ERO1A: variants seen among roughly 807,000 people sequenced by gnomAD.
ERO1A encodes the protein endoplasmic reticulum oxidoreductase 1 alpha.
ERO1A carries 49 observed loss-of-function variants against 76.9 expected under a neutral mutation model. The ratio of observed to expected loss-of-function variants is 0.64; its 90% CI spans 0.51 to 0.81. The LOEUF (loss-of-function observed/expected upper bound fraction) is 0.81, where lower values mean the gene tolerates loss of function less well. Among genes scored for constraint, ERO1A ranks in the 30% least tolerant of loss-of-function variants. The probability of loss-of-function intolerance (pLI) is 0.00; values close to 1 mark genes in which losing one functional copy is unlikely to be tolerated. For synonymous variants in ERO1A, 174 were observed against 181.2 expected, an observed-to-expected ratio of 0.96 and a Z score of 0.32; for missense variants, 448 against 542.1, an observed-to-expected ratio of 0.83 and a Z score of 1.72.
intron 4 of ERO1A, among the ~76,000 whole-genome samples, chr14:52,675,807 G>A (rs146745842): frequency 1.8e-3 from 270 of 152,028 alleles, no homozygotes; most frequent in Middle Eastern, 3.4e-3. Flanking sequence ...GCTAATTTTT[G>A]TAGAGATGGG....
chr14:52,678,004 G>A (rs1347316589), intron 4 of ERO1A, among the ~76,000 whole-genome samples: 2 of 151,342 alleles, frequency 1.3e-5, no homozygotes, highest in African/African-American at 2.4e-5. Context: ...GGTGGCTCAC[G>A]CCTATAATCC....
intron 7 of ERO1A, among the ~76,000 whole-genome samples, chr14:52,665,110 T>C (rs1425328098): frequency 1.3e-5 from 2 of 151,554 alleles, no homozygotes; most frequent in Admixed American, 6.6e-5. Flanking sequence ...AAGAACAGCC[T>C]GGACAACATG....
chr14:52,657,861 T>C, intron 11 of ERO1A, 56 bp downstream of exon 11: 1 of 1,291,550 alleles, frequency 7.7e-7, no homozygotes, highest in South Asian at 1.3e-5. Context: ...CCAGGAAAAT[T>C]TTAAGAATAT....
intron 3 of ERO1A, among the ~76,000 whole-genome samples, chr14:52,681,834 G>T (rs77288821): frequency 6.6e-6 from 1 of 151,826 alleles, no homozygotes; most frequent in Admixed American, 6.6e-5. Context: ...TTTATACTTC[G>T]ATTAATTTCA....
At chr14:52,684,205 T>G (rs893053604) in intron 1 of ERO1A, among the ~76,000 whole-genome samples, 1 of 151,722 alleles carries the variant, frequency 6.6e-6, no homozygotes, top group Admixed American at 6.6e-5. Flanking sequence ...CTCCAGGCCA[T>G]AGTTGACCTG....
intron 1 of ERO1A, among the ~76,000 whole-genome samples, chr14:52,686,378 A>C (rs1170583737): frequency 6.6e-6 from 1 of 152,212 alleles, no homozygotes; most frequent in East Asian, 1.9e-4. Context: ...CACAGGAGGC[A>C]GAAACACACA....
chr14:52,677,834 G>A (rs1386548851), intron 4 of ERO1A, among the ~76,000 whole-genome samples: 1 of 123,734 alleles, frequency 8.1e-6, no homozygotes, highest in African/African-American at 3.2e-5. Flanking sequence ...CTGCACTCCA[G>A]CCTGGACAAC....
intron 9 of ERO1A, chr14:52,658,445 T>C (rs1298714153): frequency 7.7e-6 from 2 of 259,672 alleles, no homozygotes; most frequent in South Asian, 9.0e-5. Flanking sequence ...AGAATTTAAA[T>C]AGTAAATCAG....
Position 52,643,347 on chromosome 14 carries a change from G to T in ERO1A, c.*223C>A. ...TATTCAATATTAAACTTTAAAATTT[G>T]TACCACATTATTAAAGTATTACTTT... is the stretch of plus-strand genomic sequence containing the variant. On this transcript the variant is annotated 3_prime_UTR_variant, in exon 16 of 16. Transcript: ENST00000395686. The T allele has an allele frequency of 3.0e-6, 1 of 337,852 alleles. No homozygotes were observed. 20.9% of individuals were successfully genotyped at this position (337,852 alleles called of 1,614,324 possible).
intron 4 of ERO1A, among the ~76,000 whole-genome samples, chr14:52,674,383 G>A (rs1457441433): frequency 6.6e-6 from 1 of 152,038 alleles, no homozygotes; most frequent in Non-Finnish European, 1.5e-5. Flanking sequence ...TTTATTTGTA[G>A]AGATGGGGTC....
intron 1 of ERO1A, 32 bp downstream of exon 1, chr14:52,695,336 G>T: frequency 7.4e-7 from 1 of 1,354,156 alleles, no homozygotes; most frequent in South Asian, 1.6e-5. Context: ...GAGGGCGCCG[G>T]GACCCTCAGC....
At chr14:52,665,589 C>G (rs1442385696) in intron 7 of ERO1A, among the ~76,000 whole-genome samples, 2 of 152,108 alleles carry the variant, frequency 1.3e-5, no homozygotes, top group African/African-American at 4.8e-5. Context: ...CCAGAACTCT[C>G]TCCATCTCTA....
At chr14:52,680,653 T>C (rs1007487916) in intron 3 of ERO1A, among the ~76,000 whole-genome samples, 2 of 152,228 alleles carry the variant, frequency 1.3e-5, no homozygotes, top group Non-Finnish European at 2.9e-5. Flanking sequence ...TAATTTTTTC[T>C]ATTACTAAAT....
In ERO1A at chr14:52,663,822, T is replaced by G; in HGVS notation, c.655A>C (p.Asn219His). The change falls in exon 8 of 16, where the codon AAT (asparagine) becomes CAT (histidine). Residue 219 changes from asparagine (N) to histidine (H), a missense_variant. Around this residue, in one of 2 missense-constraint regions of ERO1A, gnomAD observed 302 missense variants for 411.9 expected, o/e 0.73. Coordinates refer to ENST00000395686, the MANE Select transcript of ERO1A (RefSeq NM_014584.3). Reference protein sequence around the residue: ...FKPQTIKRPLNPLASGQGTSE... With the variant: ...FKPQTIKRPLHPLASGQGTSE... ...TTACCTTGACCAGAAGCCAAAGGAT[T>G]TAAAGGTCTTTTAATTGTCTGTGGC... The G allele has an allele frequency of 6.4e-7, 1 of 1,570,416 alleles. No individual in the cohort carries two copies. The highest frequency in any genetic ancestry group is 8.8e-7 in the Non-Finnish European group (1 of 1,142,778).
chr14:52,688,325 T>C (rs1208385071), intron 1 of ERO1A, among the ~76,000 whole-genome samples: 1 of 152,154 alleles, frequency 6.6e-6, no homozygotes, highest in African/African-American at 2.4e-5. Flanking sequence ...TGTGTAACAA[T>C]AGTTAGCGTG....
chr14:52,657,582 C>T (rs1459542869), intron 11 of ERO1A, among the ~76,000 whole-genome samples: 1 of 152,100 alleles, frequency 6.6e-6, no homozygotes, highest in Non-Finnish European at 1.5e-5. Flanking sequence ...TACGAGCACA[C>T]AAATAAAAAG....
chr14:52,645,526 G>C (rs1284421343), intron 15 of ERO1A, among the ~76,000 whole-genome samples: 1 of 151,240 alleles, frequency 6.6e-6, no homozygotes, highest in African/African-American at 2.4e-5. Context: ...GGCCTCAAGT[G>C]ATCCACCCAC....
At chr14:52,646,660 G>C (rs2039667884) in intron 13 of ERO1A, 199 bp from the exon 14 acceptor site, 2 of 447,896 alleles carry the variant, frequency 4.5e-6, no homozygotes, top group Non-Finnish European at 7.9e-6. Flanking sequence ...CAAATCCAAA[G>C]GTAGTTATTA....
At chr14:52,649,745 G>T (rs926279098) in intron 13 of ERO1A, among the ~76,000 whole-genome samples, 2 of 152,088 alleles carry the variant, frequency 1.3e-5, no homozygotes, top group African/African-American at 4.8e-5. Context: ...AGCTGTTTAG[G>T]CAGATTATAT....
Sources: allele counts gnomAD v4.1 joint callset (sites outside exome capture counted in the v4.1 genomes callset), GRCh38; gene constraint gnomAD v4.1.1; regional missense constraint gnomAD v4.1.1; transcripts MANE v1.5; gene names NCBI Gene and HGNC (gene_info 2026-07-23, HGNC 2026-07-21).